Variants in DCDC1 observed in about 807,000 individuals in gnomAD.
The protein encoded by DCDC1 is doublecortin domain containing 1.
A neutral mutation model predicts 178.3 loss-of-function variants in DCDC1; 200 were observed. The ratio of observed to expected loss-of-function variants is 1.12; its 90% confidence interval spans 1.00 to 1.26. DCDC1 has a LOEUF of 1.26. DCDC1 is among the 50% of genes most tolerant of loss of function. The pLI is 0.00. For synonymous variants in DCDC1, 690 were observed against 604.8 expected, an observed-to-expected ratio of 1.14 and a Z score of -2.07; for missense variants, 1,983 against 1,749.2, an observed-to-expected ratio of 1.13 and a Z score of -2.38.
At chr11:30,973,182 G>A (rs1949908139) in intron 20 of DCDC1, among the ~76,000 whole-genome samples, 1 of 148,674 alleles carries the variant, frequency 6.7e-6, no homozygotes, top group Admixed American at 6.9e-5. Context: ...TGAGGCAGGA[G>A]AATCACTTGA....
At chr11:30,902,439 T>C (rs1944755904) in intron 32 of DCDC1, among the ~76,000 whole-genome samples, 2 of 152,210 alleles carry the variant, frequency 1.3e-5, no homozygotes, top group Non-Finnish European at 2.9e-5. Context: ...GCCTGTGGTA[T>C]TCTGTTACAG....
chr11:31,128,513 G>T (rs1177265561), intron 10 of DCDC1, among the ~76,000 whole-genome samples: 1 of 151,976 alleles, frequency 6.6e-6, no homozygotes, highest in Non-Finnish European at 1.5e-5. Context: ...ATAAACACTG[G>T]TTGATATTAT....
chr11:31,334,015 CAA>C (rs1950142065), intron 2 of DCDC1, among the ~76,000 whole-genome samples: 1 of 152,172 alleles, frequency 6.6e-6, no homozygotes, highest in South Asian at 2.1e-4. Context: ...TCAGGCACAC[CAA>C]TCAAACGTAG....
intron 23 of DCDC1, among the ~76,000 whole-genome samples, chr11:30,923,287 T>C (rs1315375267): frequency 6.6e-6 from 1 of 152,104 alleles, no homozygotes; most frequent in Non-Finnish European, 1.5e-5. Flanking sequence ...ATCTCATTCT[T>C]TACAGAAAAC....
chr11:30,972,214 T>C (rs141554277), intron 20 of DCDC1, among the ~76,000 whole-genome samples: 34 of 152,184 alleles, frequency 2.2e-4, no homozygotes, highest in South Asian at 2.1e-4. Context: ...ACAGAGAAAA[T>C]TCTAAACACA....
At chr11:31,210,133 G>T (rs1017228996) in intron 9 of DCDC1, among the ~76,000 whole-genome samples, 19 of 152,146 alleles carry the variant, frequency 1.2e-4, no homozygotes, top group African/African-American at 4.3e-4. Flanking sequence ...CCTTCAAGTA[G>T]AATTTGGTGT....
intron 20 of DCDC1, among the ~76,000 whole-genome samples, chr11:31,048,512 G>A (rs962307148): frequency 2.0e-5 from 3 of 152,032 alleles, no homozygotes; most frequent in African/African-American, 7.2e-5. Context: ...GAGACTTCTG[G>A]TCAAAAAAGA....
chr11:31,125,790 G>A (rs868552734), intron 11 of DCDC1, among the ~76,000 whole-genome samples: 2 of 152,102 alleles, frequency 1.3e-5, no homozygotes, highest in East Asian at 1.9e-4. Context: ...GGTTGGGTGG[G>A]GGGTAGAGCA....
chr11:31,123,626 T>C (rs1961130077), intron 11 of DCDC1, among the ~76,000 whole-genome samples: 1 of 151,722 alleles, frequency 6.6e-6, no homozygotes, highest in Admixed American at 6.6e-5. Context: ...GATATCCAGG[T>C]TTCTTGAGAT....
intron 35 of DCDC1, among the ~76,000 whole-genome samples, chr11:30,893,285 G>A (rs1463715622): frequency 6.6e-6 from 1 of 152,168 alleles, no homozygotes; most frequent in Non-Finnish European, 1.5e-5. Context: ...AATGCAGAGA[G>A]AAGTATTTTT....
Position 30,900,433 on chromosome 11 carries a change from C to T in DCDC1, c.4576G>A (p.Gly1526Ser). The change falls in exon 33 of 39, where the codon GGT (glycine) becomes AGT (serine). Residue 1526 changes from glycine to serine, a missense_variant. Gly to Ser is a moderately conservative substitution (Grantham distance 56, BLOSUM62 0). Coordinates refer to ENST00000684477, the MANE Select transcript of DCDC1 (RefSeq NM_001387274.1). ...AKSVTSDSLDGIDKSLLTLIL... is the reference protein window; with the variant it reads ...AKSVTSDSLDSIDKSLLTLIL... ...AGGGTAAGCAAAGACTTGTCTATAC[C>T]ATCCAAACTATCGGATGTCACAGAT... 6.4e-7 allele frequency: 1 copy of T among 1,572,194 alleles called. No homozygotes were observed. The highest frequency in any genetic ancestry group is 8.6e-7 in the Non-Finnish European group (1 of 1,157,770).
chr11:31,340,265 T>A (rs1453045436), intron 1 of DCDC1, among the ~76,000 whole-genome samples: 1 of 152,096 alleles, frequency 6.6e-6, no homozygotes, highest in Non-Finnish European at 1.5e-5. Context: ...AGCAGACAAA[T>A]CTACCCCACA....
intron 1 of DCDC1, among the ~76,000 whole-genome samples, chr11:31,352,899 T>G (rs1951145986): frequency 6.6e-6 from 1 of 152,186 alleles, no homozygotes. Flanking sequence ...ATTACAGTTT[T>G]CATTTTGCCA....
rs143397803 is a variant in DCDC1 at position 31,263,391 on chromosome 11, C to T, written c.1054+2116G>A. Among the ~76,000 whole-genome samples, 54 of 152,186 alleles carry T rather than the reference C, an allele frequency of 3.5e-4. No homozygotes were observed. In the East Asian group the frequency reaches 0.01, roughly 28 times the overall value. ...AAAGAAATCAACATTAATAATGACA[C>T]TCTTATTAACCCCAAAGAACAAAAG... is the stretch of plus-strand genomic sequence containing the variant. On this transcript the variant is annotated intron_variant, in intron 8 of 38. Coordinates refer to ENST00000684477, the MANE Select transcript of DCDC1 (RefSeq NM_001387274.1).
intron 9 of DCDC1, among the ~76,000 whole-genome samples, chr11:31,237,078 T>C (rs772566594): frequency 1.3e-5 from 2 of 152,044 alleles, no homozygotes; most frequent in South Asian, 4.1e-4. Flanking sequence ...ATTTTGTCAA[T>C]AATAAATGTA....
At chr11:31,215,629 C>A (rs147238881) in intron 9 of DCDC1, among the ~76,000 whole-genome samples, 1 of 151,934 alleles carries the variant, frequency 6.6e-6, no homozygotes, top group Non-Finnish European at 1.5e-5. Context: ...CCCATCTCTA[C>A]TAAAATACAA....
chr11:31,342,437 G>A (rs576772021), intron 1 of DCDC1, among the ~76,000 whole-genome samples: 11 of 152,270 alleles, frequency 7.2e-5, no homozygotes, highest in Non-Finnish European at 1.5e-4. Flanking sequence ...GGTGAACTTG[G>A]AAGCATTTGG....
chr11:31,002,921 C>A (rs16921654), intron 20 of DCDC1, among the ~76,000 whole-genome samples: 2,960 of 152,052 alleles, frequency 0.019, 93 homozygotes, highest in African/African-American at 0.067. Flanking sequence ...ATGCTACATA[C>A]AAGAATCCCA....
At chr11:31,224,822 C>A (rs1008234069) in intron 9 of DCDC1, among the ~76,000 whole-genome samples, 7 of 152,066 alleles carry the variant, frequency 4.6e-5, no homozygotes, top group African/African-American at 1.7e-4. Flanking sequence ...CCACCTTACT[C>A]CTGCAAGAAT....
Sources: allele counts gnomAD v4.1 joint callset (sites outside exome capture counted in the v4.1 genomes callset), GRCh38; gene constraint gnomAD v4.1.1; transcripts MANE v1.5; gene names NCBI Gene and HGNC (gene_info 2026-07-23, HGNC 2026-07-21).